Variants in BRD4 observed in about 807,000 individuals in gnomAD.
BRD4 encodes the protein bromodomain-containing protein 4.
BRD4 carries 16 observed loss-of-function variants against 142.1 expected under a neutral mutation model. The ratio of observed to expected loss-of-function variants is 0.11; its 90% CI spans 0.08 to 0.17. The LOEUF (loss-of-function observed/expected upper bound fraction) is 0.17, where lower values mean the gene tolerates loss of function less well. Among genes scored for constraint, BRD4 ranks in the 10% least tolerant of loss-of-function variants. The probability of loss-of-function intolerance (pLI) is 1.00; values close to 1 mark genes in which losing one functional copy is unlikely to be tolerated. For synonymous variants in BRD4, 833 were observed against 707.5 expected (o/e 1.18, Z -2.82); for missense variants, 1,424 against 1,810.9 (o/e 0.79, Z 3.88).
At chr19:15,256,316 C>A in intron 8 of BRD4, 53 bp from the exon 9 acceptor site, 1 of 1,579,864 alleles carries the variant, frequency 6.3e-7, no homozygotes, top group South Asian at 1.2e-5. Context: ...ACCTTCCTGT[C>A]ACCCAAGACC....
rs971909552 is a variant in BRD4, at chr19:15,255,203, G to GA, written c.2047+93_2047+94insT. ...TATTATAATTGGAAAAAAAAAAGGG[G>GA]GGGGGCGCAGAAAGAGTGGACTGAG... On this transcript the variant is annotated intron_variant, in intron 10 of 19. Coordinates refer to ENST00000679869, the MANE Select transcript of BRD4 (RefSeq NM_001379291.1). The GA allele has an allele frequency of 7.1e-6, 9 of 1,268,036 alleles. No homozygotes were observed. In the African/African-American group the frequency reaches 1.2e-4, roughly 17 times the overall value. 78.5% of individuals were successfully genotyped at this position (1,268,036 alleles called of 1,614,324 possible). A position where few individuals can be genotyped will look rare whatever the true frequency, so the allele number is the denominator to read the frequency against.
At chr19:15,294,984 T>G (rs2145675349) in intron 1 of BRD4, among the ~76,000 whole-genome samples, 1 of 152,338 alleles carries the variant, frequency 6.6e-6, no homozygotes. Context: ...GTTTTCCGTC[T>G]AAACACTCAA....
chr19:15,291,444 C>A (rs2047781214), intron 1 of BRD4, among the ~76,000 whole-genome samples: 2 of 151,988 alleles, frequency 1.3e-5, no homozygotes, highest in African/African-American at 4.8e-5. Context: ...GATGGTAAAC[C>A]CTATGGAAAA....
At chr19:15,323,287 CTG>C (rs2048080316) in intron 1 of BRD4, among the ~76,000 whole-genome samples, 2 of 145,370 alleles carry the variant, frequency 1.4e-5, no homozygotes, top group South Asian at 2.3e-4. Context: ...ATATGAAAAA[CTG>C]AGGCTAGAGT....
rs911446850 is a variant in BRD4, at chr19:15,243,151, TGCTGCTGCA to T, written c.2909_2917del (p.Leu970_Gln972del). 7.9e-6 allele frequency: 6 copies of T among 761,642 alleles called. No individual in the cohort carries two copies. Among genetic ancestry groups the T allele is most frequent in the African/African-American group, 2.3e-5 (1 of 42,748 alleles). The allele number at this position is 761,642 out of a possible 1,614,324, so 47.2% of individuals were successfully genotyped here. On this transcript the variant is annotated inframe_deletion, in exon 14 of 20. Transcript: ENST00000679869. ...CTGGGGTGGTGGGGGTGGTGGCGGC[TGCTGCTGCA>T]GCTGCTGCTGCACAGAGGGGTGGGG... is the stretch of plus-strand genomic sequence containing the variant.
rs2145598626 is a variant in BRD4 at position 15,264,407 on chromosome 19, G to C, written c.1209C>G (p.Ile403Met). The C allele has an allele frequency of 6.3e-7, 1 of 1,599,732 alleles. No homozygotes were observed. Among genetic ancestry groups the C allele is most frequent in the Non-Finnish European group, 8.5e-7 (1 of 1,169,760 alleles). ...IIKHPMDMST[I>M]KSKLEAREYR... ...CCCTCAGGCACATCCCGCTAACCTT[G>C]ATTGTGCTCATGTCCATGGGGTGCT... is the stretch of plus-strand genomic sequence containing the variant. Residue 403 changes from isoleucine to methionine, a missense_variant, in exon 6 of 20, where the codon ATC becomes ATG. Physicochemically the swap from Ile to Met is conservative, Grantham distance 10. Around this residue, in one of 16 missense-constraint regions of BRD4, gnomAD observed 26 missense variants for 20.2 expected, o/e 1.29. Transcript: ENST00000679869.
chr19:15,237,349 AT>A lies in BRD4; in HGVS notation c.*1027del, dbSNP rs560131788. ...TGAAACTGAGTAAAATATAGGCAGGATTTTTTTTGTGTGTTTTGTCTTTTTG... is the reference window on the plus strand; with the variant it reads ...TGAAACTGAGTAAAATATAGGCAGGATTTTTTTGTGTGTTTTGTCTTTTTG... On this transcript the variant is annotated 3_prime_UTR_variant, in exon 20 of 20. Coordinates refer to ENST00000679869, the MANE Select transcript of BRD4 (RefSeq NM_001379291.1). The A allele has an allele frequency of 4.2e-5, 9 of 215,622 alleles. No individual in the cohort carries two copies. The highest frequency in any genetic ancestry group is 1.9e-4 in the South Asian group (1 of 5,300). The allele number at this position is 215,622 out of a possible 1,614,324, so 13.4% of individuals were successfully genotyped here. A position where few individuals can be genotyped will look rare whatever the true frequency, so the allele number is the denominator to read the frequency against.
chr19:15,303,690 T>C (rs1213147321), intron 1 of BRD4, among the ~76,000 whole-genome samples: 2 of 152,214 alleles, frequency 1.3e-5, no homozygotes, highest in African/African-American at 2.4e-5. Flanking sequence ...ACAAACAATA[T>C]TCCCCTTATA....
In BRD4 at chr19:15,239,051, C is replaced by G; in HGVS notation, c.3782+8G>C. ...GAGTCCCCATGCCCCACCCAGACACCCGCCCACCTCATGCGCTCCTGCCGC... is the reference window on the plus strand; with the variant it reads ...GAGTCCCCATGCCCCACCCAGACACGCGCCCACCTCATGCGCTCCTGCCGC... On this transcript the variant is annotated splice_region_variant and intron_variant, in intron 18 of 19. Transcript: ENST00000679869. This position sits in a 1 kb window ranked among gnomAD's most constrained non-coding sequence, Gnocchi z 7.4. The G allele has an allele frequency of 1.9e-6, 3 of 1,585,052 alleles. No homozygotes were observed. Among genetic ancestry groups the G allele is most frequent in the Non-Finnish European group, 1.7e-6 (2 of 1,169,736 alleles).
chr19:15,297,563 A>C (rs1324604272), intron 1 of BRD4, among the ~76,000 whole-genome samples: 2 of 152,194 alleles, frequency 1.3e-5, no homozygotes, highest in Non-Finnish European at 2.9e-5. Context: ...TGTAGTGTTT[A>C]CTGGACAAGT....
chr19:15,292,412 A>G (rs1160353948), intron 1 of BRD4, among the ~76,000 whole-genome samples: 1 of 152,176 alleles, frequency 6.6e-6, no homozygotes, highest in Non-Finnish European at 1.5e-5. Context: ...TGGACCACAC[A>G]ATGGACTACG....
intron 1 of BRD4, among the ~76,000 whole-genome samples, chr19:15,324,745 G>T (rs2048093334): frequency 6.6e-6 from 1 of 152,152 alleles, no homozygotes; most frequent in Non-Finnish European, 1.5e-5. Flanking sequence ...TACATTTTAG[G>T]CTTGAGGATA....
At position 15,265,410 on chromosome 19, in the gene BRD4, G is replaced by A. The variant is rs1466606942; in HGVS notation, c.793C>T (p.Pro265Ser). ...PQPQPPPAPA[P>S]QPVQSHPPII... ...GGTGGGTGGCTCTGTACGGGCTGGG[G>A]AGCTGGAGCGGGTGGGGGTTGTGGC... Residue 265 changes from proline (P) to serine (S), a missense_variant, in exon 5 of 20, where the codon CCC (proline) becomes TCC (serine). By Grantham distance (74) the Pro-to-Ser change is moderately conservative. This residue lies in a region of BRD4 where 140 missense variants were observed against 131.7 expected (regional missense o/e 1.06). Transcript: ENST00000679869. 3 of 1,547,446 alleles carry A rather than the reference G, an allele frequency of 1.9e-6. No homozygotes were observed. The African/African-American group carries it at 4.1e-5, about 21-fold the overall frequency.
chr19:15,255,663 T>C, intron 9 of BRD4, 71 bp from the exon 10 acceptor site: 2 of 1,515,814 alleles, frequency 1.3e-6, no homozygotes, highest in Admixed American at 2.0e-5. Flanking sequence ...TTCCTCCACA[T>C]GTATGTTGGG....
intron 12 of BRD4, 53 bp downstream of exon 12, chr19:15,244,657 C>T: frequency 4.3e-6 from 7 of 1,613,978 alleles, no homozygotes; most frequent in Non-Finnish European, 5.9e-6. Context: ...CAGAACTGGC[C>T]CGGGCCAGAC....
intron 1 of BRD4, among the ~76,000 whole-genome samples, chr19:15,303,338 C>G (rs766410183): frequency 6.6e-6 from 1 of 152,154 alleles, no homozygotes; most frequent in African/African-American, 2.4e-5. Context: ...CCTGGAGGAC[C>G]TTCCTTGGCC....
chr19:15,299,382 C>G (rs1387068807), intron 1 of BRD4, among the ~76,000 whole-genome samples: 2 of 152,112 alleles, frequency 1.3e-5, no homozygotes, highest in Non-Finnish European at 2.9e-5. Flanking sequence ...AGTCTTTTAC[C>G]CATCAAAGCC....
intron 1 of BRD4, among the ~76,000 whole-genome samples, chr19:15,301,490 G>A (rs751101127): frequency 1.3e-5 from 2 of 151,888 alleles, no homozygotes; most frequent in Admixed American, 6.6e-5. Context: ...GAACCCGAGA[G>A]GCAGAGGTTG....
At chr19:15,281,470 GTC>G (rs1426232141) in intron 1 of BRD4, among the ~76,000 whole-genome samples, 1 of 152,216 alleles carries the variant, frequency 6.6e-6, no homozygotes, top group African/African-American at 2.4e-5. Context: ...CAGAATTCCA[GTC>G]TCTCTGCTTT....
Sources: gnomAD v4.1 joint callset for allele counts (sites outside exome capture counted in the v4.1 genomes callset) on GRCh38, gnomAD v4.1.1 for gene constraint, gnomAD v4.1.1 regional missense constraint, Gnocchi (gnomAD v3.1) non-coding constraint, MANE v1.5 for transcripts, NCBI Gene and HGNC (gene_info 2026-07-23, HGNC 2026-07-21) for gene names.